RIT2: variants seen among roughly 807,000 people sequenced by gnomAD.
The protein encoded by RIT2 is Ras like without CAAX 2.
Under a neutral mutation model 23.7 loss-of-function variants are expected in RIT2, and 24 were observed. The ratio of observed to expected loss-of-function variants is 1.01; its 90% CI spans 0.73 to 1.43. The LOEUF (loss-of-function observed/expected upper bound fraction) is 1.43. Among genes scored for constraint, RIT2 ranks in the 40% most tolerant of loss-of-function variants. The pLI, the probability that RIT2 is intolerant of heterozygous loss-of-function variation, is 0.00. For missense variants in RIT2, 236 were observed against 266.9 expected (o/e 0.88, Z 0.81); for synonymous variants, 107 against 91.1 (o/e 1.17, Z -0.99).
chr18:42,777,170 G>T (rs568896038), intron 4 of RIT2, among the ~76,000 whole-genome samples: 1 of 151,952 alleles, frequency 6.6e-6, no homozygotes, highest in Admixed American at 6.6e-5. Flanking sequence ...AAATTTGGGG[G>T]CAGGAGAAAT....
intron 3 of RIT2, among the ~76,000 whole-genome samples, chr18:42,929,944 G>A (rs1909284747): frequency 6.6e-6 from 1 of 152,154 alleles, no homozygotes; most frequent in South Asian, 2.1e-4. Flanking sequence ...ACATAGGCCT[G>A]CGCAAAGATG....
intron 4 of RIT2, among the ~76,000 whole-genome samples, chr18:42,771,321 T>A (rs571860549): frequency 1.8e-4 from 27 of 152,322 alleles, no homozygotes; most frequent in African/African-American, 6.5e-4. Context: ...TAATGGTATT[T>A]ATCACATTTC....
intron 4 of RIT2, among the ~76,000 whole-genome samples, chr18:42,825,763 A>T (rs1028137940): frequency 3.9e-5 from 6 of 151,906 alleles, no homozygotes; most frequent in Admixed American, 1.3e-4. Flanking sequence ...TTTTAAATGG[A>T]TCAAAAAAAT....
intron 1 of RIT2, among the ~76,000 whole-genome samples, chr18:43,071,426 T>C (rs1198903630): frequency 6.6e-6 from 1 of 152,186 alleles, no homozygotes; most frequent in Non-Finnish European, 1.5e-5. Flanking sequence ...AGAACATCTT[T>C]ATTTCTAGCT....
chr18:42,929,034 G>GAT (rs770619793), intron 3 of RIT2, among the ~76,000 whole-genome samples: 1,992 of 96,940 alleles, frequency 0.021, 84 homozygotes, highest in African/African-American at 0.066. Flanking sequence ...AAAATATGGA[G>GAT]ATATATATAT....
chr18:42,957,608 G>A (rs1350850510), intron 3 of RIT2, among the ~76,000 whole-genome samples: 1 of 151,944 alleles, frequency 6.6e-6, no homozygotes, highest in Non-Finnish European at 1.5e-5. Context: ...ACTTGGCGAA[G>A]CTCTGTCTCT....
In RIT2 at chr18:42,743,510, T is replaced by C. The variant is rs746661774; in HGVS notation, c.637A>G (p.Arg213Gly). The C allele has an allele frequency of 3.1e-6, 5 of 1,612,052 alleles. No homozygotes were observed. In the African/African-American group the frequency reaches 5.3e-5, roughly 17 times the overall value. Residue 213 changes from arginine to glycine, a missense_variant, in exon 5 of 5, where the codon AGA (arginine) becomes GGA (glycine). Coordinates refer to ENST00000326695, the MANE Select transcript of RIT2 (RefSeq NM_002930.4). ...CAAAGATATCATGTCATATTTTCTCTCTTCTTCTTCAAAGAACCTTTGAGC... is the reference window on the plus strand; with the variant it reads ...CAAAGATATCATGTCATATTTTCTCCCTTCTTCTTCAAAGAACCTTTGAGC... ...KKLKGSLKKK[R>G]ENMT is the part of the protein sequence containing the mutation.
chr18:42,856,506 A>T (rs1907185115), intron 4 of RIT2, among the ~76,000 whole-genome samples: 1 of 152,222 alleles, frequency 6.6e-6, no homozygotes, highest in Non-Finnish European at 1.5e-5. Context: ...ATTCATTTGT[A>T]TGCCTTTTCT....
At chr18:42,768,531 A>G (rs528801876) in intron 4 of RIT2, among the ~76,000 whole-genome samples, 1 of 152,310 alleles carries the variant, frequency 6.6e-6, no homozygotes, top group African/African-American at 2.4e-5. Context: ...GCCCACTTTA[A>G]TCACAGGACA....
At chr18:42,969,763 T>C (rs1394980979) in intron 3 of RIT2, among the ~76,000 whole-genome samples, 2 of 152,078 alleles carry the variant, frequency 1.3e-5, no homozygotes, top group Non-Finnish European at 2.9e-5. Flanking sequence ...AAAGTAAACA[T>C]GATATATATT....
At chr18:43,051,896 C>T (rs1912392389) in intron 1 of RIT2, among the ~76,000 whole-genome samples, 2 of 152,110 alleles carry the variant, frequency 1.3e-5, no homozygotes, top group Admixed American at 6.6e-5. Context: ...CTTGTTCAAG[C>T]TAGAGGTTCT....
intron 3 of RIT2, among the ~76,000 whole-genome samples, chr18:42,970,303 C>T (rs1910331830): frequency 6.6e-6 from 1 of 151,794 alleles, no homozygotes; most frequent in Admixed American, 6.6e-5. Context: ...TTTCCTAAAA[C>T]AGAATTCTTA....
intron 2 of RIT2, among the ~76,000 whole-genome samples, chr18:43,021,684 A>G (rs1302652953): frequency 6.6e-6 from 1 of 152,088 alleles, no homozygotes; most frequent in Non-Finnish European, 1.5e-5. Context: ...TGCTCCAGCC[A>G]TGTAAAACGT....
rs1474523861 is a variant in RIT2, at chr18:42,791,865, CCAGT to C, written c.427-48149_427-48146del. 9.8e-5 allele frequency among the ~76,000 whole-genome samples: 15 copies of C among 152,300 alleles called. No homozygotes were observed. In the South Asian group the frequency reaches 1.2e-3, roughly 13 times the overall value. On this transcript the variant is annotated intron_variant, in intron 4 of 4. Transcript: ENST00000326695. Reference sequence around the variant, plus strand: ...GGGCACTTATTTGACTCCAGCATGACCAGTCAGAGTACTGCCTTCTACTGGTCTC... The same window carrying C: ...GGGCACTTATTTGACTCCAGCATGACCAGAGTACTGCCTTCTACTGGTCTC...
In RIT2 at chr18:42,744,796, A is replaced by G. The variant is rs72901445; in HGVS notation, c.427-1076T>C. Among the ~76,000 whole-genome samples, 525 of 152,322 alleles carry G rather than the reference A, an allele frequency of 3.4e-3. 2 individuals carry two copies. The highest frequency in any genetic ancestry group is 5.3e-3 in the Non-Finnish European group (362 of 68,028). On this transcript the variant is annotated intron_variant, in intron 4 of 4. Coordinates refer to ENST00000326695, the MANE Select transcript of RIT2 (RefSeq NM_002930.4). ...AATAATAATCTATCAAAAGAAAATG[A>G]AAAGCAAACACCACCATTATGGGTA...
At position 43,115,642 on chromosome 18, in the gene RIT2, C is replaced by T. The variant is rs1914052689; in HGVS notation, c.-123G>A. 4.4e-6 allele frequency: 6 copies of T among 1,366,998 alleles called. No homozygotes were observed. Among genetic ancestry groups the T allele is most frequent in the African/African-American group, 1.5e-5 (1 of 67,104 alleles). The allele number at this position is 1,366,998 out of a possible 1,614,324, so 84.7% of individuals were successfully genotyped here. ...GGTTTTAGTACGAGGTAAGAACCAT[C>T]AGCGTCGGGCTGGCTGCTGGTCCTC... On this transcript the variant is annotated 5_prime_UTR_variant, in exon 1 of 5. An upstream open reading frame in the 5' UTR loses its in-frame stop. Coordinates refer to ENST00000326695, the MANE Select transcript of RIT2 (RefSeq NM_002930.4).
intron 1 of RIT2, among the ~76,000 whole-genome samples, chr18:43,082,710 T>C (rs578145754): frequency 6.6e-6 from 1 of 150,746 alleles, no homozygotes; most frequent in African/African-American, 2.4e-5. Flanking sequence ...CACAATAAAC[T>C]AGGTATTGAT....
chr18:42,948,125 C>A (rs1278627032), intron 3 of RIT2, among the ~76,000 whole-genome samples: 1 of 152,016 alleles, frequency 6.6e-6, no homozygotes, highest in Admixed American at 6.6e-5. Flanking sequence ...ATATAATATG[C>A]TTTTAATTGG....
intron 1 of RIT2, among the ~76,000 whole-genome samples, chr18:43,107,206 G>C (rs1439419446): frequency 6.6e-6 from 1 of 152,158 alleles, no homozygotes; most frequent in Non-Finnish European, 1.5e-5. Context: ...GGAGACTCTA[G>C]TCCCAACGCT....
Sources: allele counts gnomAD v4.1 joint callset (sites outside exome capture counted in the v4.1 genomes callset), GRCh38; gene constraint gnomAD v4.1.1; transcripts MANE v1.5; gene names NCBI Gene and HGNC (gene_info 2026-07-23, HGNC 2026-07-21).